Variants in INO80C observed in about 807,000 individuals in gnomAD.
INO80C encodes IES6 homolog.
A neutral mutation model predicts 17.7 loss-of-function variants in INO80C; 17 were observed. The observed-to-expected ratio is 0.96, with a 90% confidence interval of 0.66 to 1.44. The LOEUF (loss-of-function observed/expected upper bound fraction) is 1.44. INO80C is among the 40% of genes most tolerant of loss of function. The pLI is 0.00. For synonymous variants in INO80C, 96 were observed against 95.8 expected (o/e 1.00, Z -0.01); for missense variants, 244 against 245.0 (o/e 1.00, Z 0.03).
chr18:35,471,825 A>G (rs967075776), intron 4 of INO80C, among the ~76,000 whole-genome samples: 11 of 16,562 alleles, frequency 6.6e-4, no homozygotes, highest in African/African-American at 9.0e-4. Flanking sequence ...TCATTGTTCA[A>G]TTCCCACCTG....
At chr18:35,472,930 A>G (rs1179554762) in intron 4 of INO80C, among the ~76,000 whole-genome samples, 1 of 152,088 alleles carries the variant, frequency 6.6e-6, no homozygotes, top group African/African-American at 2.4e-5. Flanking sequence ...GAACTAGGAG[A>G]GTTATCTGTC....
Position 35,479,425 on chromosome 18 carries a change from C to T in INO80C, c.268-14G>A, listed in dbSNP as rs1567982154. On this transcript the variant is annotated splice_polypyrimidine_tract_variant and intron_variant, in intron 2 of 4. Coordinates refer to ENST00000334598, the MANE Select transcript of INO80C (RefSeq NM_194281.4). The stretch of plus-strand genomic sequence containing the variant: ...GTGGCCAGAGTGCTTGAATTGAAGG[C>T]ATGGATTAGAAGAAACAAAAACCAA... The T allele has an allele frequency of 3.2e-6, 5 of 1,573,704 alleles. No homozygotes were observed. Among genetic ancestry groups the T allele is most frequent in the Non-Finnish European group, 1.7e-6 (2 of 1,143,554 alleles).
intron 2 of INO80C, among the ~76,000 whole-genome samples, 184 bp from the exon 3 acceptor site, chr18:35,479,595 A>G (rs1327151544): frequency 6.6e-6 from 1 of 152,214 alleles, no homozygotes; most frequent in African/African-American, 2.4e-5. Flanking sequence ...TTAGTTTAAA[A>G]AAGAAGTTTT....
In INO80C at chr18:35,468,678, C is replaced by T. The variant is rs112429593; in HGVS notation, c.512G>A (p.Arg171Gln). 3.8e-3 allele frequency: 6,083 copies of T among 1,614,022 alleles called. 27 individuals carry two copies. Among genetic ancestry groups the T allele is most frequent in the Admixed American group, 7.0e-3 (417 of 59,994 alleles). Residue 171 changes from arginine (R) to glutamine (Q), a missense_variant, in exon 5 of 5, where the codon CGG becomes CAG. Physicochemically the swap from Arg to Gln is conservative, Grantham distance 43. Coordinates refer to ENST00000334598, the MANE Select transcript of INO80C (RefSeq NM_194281.4). ...GGTGACGACGTCAGAGGGCAGCCTC[C>T]GAATGTAGGAAAACTCTTCAATGGT... The part of the protein sequence containing the change: ...FSTIEEFSYI[R>Q]RLPSDVVTGY...
In INO80C at chr18:35,484,645, G is replaced by A. The variant is rs150437787; in HGVS notation, c.157-4082C>T. 5.1e-4 allele frequency among the ~76,000 whole-genome samples: 78 copies of A among 152,284 alleles called. 1 individual carries two copies. The Middle Eastern group carries it at 0.01, about 20-fold the overall frequency. On this transcript the variant is annotated intron_variant, in intron 1 of 4. Transcript: ENST00000334598. ...ATTACCTATTATAAGTAATCTAGAC[G>A]TGGTTGAAGTATACAGGAGGATGTG...
At chr18:35,482,783 CCA>C (rs1252901525) in intron 1 of INO80C, among the ~76,000 whole-genome samples, 2 of 152,186 alleles carry the variant, frequency 1.3e-5, no homozygotes, top group Non-Finnish European at 2.9e-5. Flanking sequence ...TCCCTTCCTC[CCA>C]CAGTCCTTAG....
intron 4 of INO80C, among the ~76,000 whole-genome samples, chr18:35,474,003 C>T (rs1008730435): frequency 1.3e-5 from 2 of 151,470 alleles, no homozygotes; most frequent in African/African-American, 4.9e-5. Flanking sequence ...ATGTCCAGTA[C>T]ACAATCAAAA....
intron 1 of INO80C, among the ~76,000 whole-genome samples, chr18:35,490,134 G>A (rs966617181): frequency 6.6e-5 from 10 of 152,166 alleles, no homozygotes; most frequent in East Asian, 3.8e-4. Flanking sequence ...ACAAGTGATC[G>A]CTCTTTCAGG....
At position 35,478,326 on chromosome 18, in the gene INO80C, A is replaced by G; in HGVS notation, c.403T>C (p.Ser135Pro). The G allele has an allele frequency of 6.4e-7, 1 of 1,574,080 alleles. No individual in the cohort carries two copies. Among genetic ancestry groups the G allele is most frequent in the Middle Eastern group, 1.7e-4 (1 of 5,728 alleles). The part of the protein sequence containing the change: ...PNYFSIDAPP[S>P]FKPAKKYSDV... ...GAATACTTCTTAGCTGGCTTAAAGG[A>G]TGGAGGAGCATCAATACTGAAGTCT... The change falls in exon 4 of 5, where the codon TCC (serine) becomes CCC (proline). Residue 135 changes from serine to proline, a missense_variant. Coordinates refer to ENST00000334598, the MANE Select transcript of INO80C (RefSeq NM_194281.4).
At chr18:35,475,860 G>A (rs1415123252) in intron 4 of INO80C, among the ~76,000 whole-genome samples, 1 of 151,994 alleles carries the variant, frequency 6.6e-6, no homozygotes, top group East Asian at 1.9e-4. Flanking sequence ...ATGAAATGAA[G>A]ATAAAAGAAA....
chr18:35,497,880 TC>T lies in INO80C; in HGVS notation c.-7del. The T allele has an allele frequency of 6.4e-7, 1 of 1,553,920 alleles. No individual in the cohort carries two copies. Among genetic ancestry groups the T allele is most frequent in the Non-Finnish European group, 8.7e-7 (1 of 1,147,480 alleles). ...ATTGGAATTTGCGCCGCCATCGCAC[TC>T]CGAGTCTTCCCCTGGTCCCCCCACC... On this transcript the variant is annotated 5_prime_UTR_variant, in exon 1 of 5. Coordinates refer to ENST00000334598, the MANE Select transcript of INO80C (RefSeq NM_194281.4).
intron 1 of INO80C, among the ~76,000 whole-genome samples, chr18:35,490,051 C>G: frequency 6.6e-6 from 1 of 151,746 alleles, no homozygotes; most frequent in Non-Finnish European, 1.5e-5. Context: ...CACCCAGCTG[C>G]GAATGAGCCA....
intron 4 of INO80C, among the ~76,000 whole-genome samples, chr18:35,477,196 A>G (rs1332344391): frequency 1.3e-5 from 2 of 152,236 alleles, no homozygotes; most frequent in Non-Finnish European, 2.9e-5. Context: ...GTGAGCCAAG[A>G]GCGTGCCACT....
At chr18:35,491,862 A>G (rs2045936361) in intron 1 of INO80C, among the ~76,000 whole-genome samples, 1 of 152,234 alleles carries the variant, frequency 6.6e-6, no homozygotes, top group Admixed American at 6.5e-5. Flanking sequence ...AACGCCTAGC[A>G]CTAAGGGGCG....
intron 1 of INO80C, among the ~76,000 whole-genome samples, chr18:35,486,352 A>G (rs899257291): frequency 6.6e-6 from 1 of 152,264 alleles, no homozygotes; most frequent in African/African-American, 2.4e-5. Flanking sequence ...AGGGGCTGGC[A>G]GAACAGGGGA....
chr18:35,473,992 A>T (rs1417339385), intron 4 of INO80C, among the ~76,000 whole-genome samples: 3 of 151,828 alleles, frequency 2.0e-5, no homozygotes, highest in African/African-American at 7.3e-5. Flanking sequence ...TATCATCCAT[A>T]ATGTCCAGTA....
At chr18:35,471,335 A>G (rs1567977380) in intron 4 of INO80C, among the ~76,000 whole-genome samples, 1 of 152,076 alleles carries the variant, frequency 6.6e-6, no homozygotes, top group Non-Finnish European at 1.5e-5. Flanking sequence ...GTCTACCCCT[A>G]TACACATATG....
intron 3 of INO80C, 98 bp from the exon 4 acceptor site, chr18:35,478,447 A>C: frequency 1.0e-6 from 1 of 986,888 alleles, no homozygotes; most frequent in South Asian, 1.7e-5. Context: ...ATATTCCTGA[A>C]AATTTCCTTT....
Position 35,497,734 on chromosome 18 carries a change from A to C in INO80C, c.141T>G (p.Ala47=). The C allele has an allele frequency of 6.2e-7, 1 of 1,612,398 alleles. No individual in the cohort carries two copies. Among genetic ancestry groups the C allele is most frequent in the Non-Finnish European group, 8.5e-7 (1 of 1,179,430 alleles). Residue 47 remains alanine (A), a synonymous_variant, in exon 1 of 5, where the codon GCT becomes GCG. Coordinates refer to ENST00000334598, the MANE Select transcript of INO80C (RefSeq NM_194281.4). ...GACTGCGTACCTGCGCAAAGCTGGA[A>C]GCGGACGCTTTTTTCTTCTTACTGG... ...YGASKKKKAS[A]SSFAQGISME... is the part of the protein sequence containing the mutation.
Sources: gnomAD v4.1 joint callset for allele counts (sites outside exome capture counted in the v4.1 genomes callset) on GRCh38, gnomAD v4.1.1 for gene constraint, MANE v1.5 for transcripts, NCBI Gene and HGNC (gene_info 2026-07-23, HGNC 2026-07-21) for gene names.